PIK3C2A: variants seen among roughly 807,000 people sequenced by gnomAD.
PIK3C2A encodes the protein phosphatidylinositol-4-phosphate 3-kinase catalytic subunit type 2 alpha, also known as phosphatidylinositol 4-phosphate 3-kinase C2 domain-containing subunit alpha.
A neutral mutation model predicts 204.5 loss-of-function variants in PIK3C2A; 97 were observed. That is an observed-to-expected ratio of 0.47 (90% CI 0.40 to 0.56). The LOEUF (loss-of-function observed/expected upper bound fraction) is 0.56. Ranked by LOEUF, PIK3C2A falls within the 20% of genes least tolerant of loss-of-function variation. PIK3C2A has a pLI of 0.00. For missense variants in PIK3C2A, 1,735 were observed against 1,969.2 expected (o/e 0.88, Z 2.25); for synonymous variants, 653 against 664.4 (o/e 0.98, Z 0.26).
At chr11:17,120,530 A>G (rs2137344052) in intron 15 of PIK3C2A, among the ~76,000 whole-genome samples, 1 of 151,936 alleles carries the variant, frequency 6.6e-6, no homozygotes, top group East Asian at 1.9e-4. Context: ...ACATGCACTG[A>G]AATTTATTCA....
At chr11:17,187,758 A>G (rs1851803096) in intron 1 of PIK3C2A, among the ~76,000 whole-genome samples, 1 of 152,036 alleles carries the variant, frequency 6.6e-6, no homozygotes, top group African/African-American at 2.4e-5. Flanking sequence ...GGATTCGGGG[A>G]AAAAGACTGA....
intron 8 of PIK3C2A, among the ~76,000 whole-genome samples, chr11:17,144,337 T>C (rs1044369358): frequency 1.1e-4 from 16 of 152,194 alleles, no homozygotes; most frequent in Non-Finnish European, 1.5e-4. Flanking sequence ...ACCTCTATAA[T>C]ACATTTTACT....
chr11:17,102,232 C>G (rs1013295750), intron 24 of PIK3C2A, among the ~76,000 whole-genome samples: 4 of 152,004 alleles, frequency 2.6e-5, no homozygotes, highest in Non-Finnish European at 4.4e-5. Flanking sequence ...GTCAGGAGAT[C>G]GAGACCATCC....
intron 9 of PIK3C2A, among the ~76,000 whole-genome samples, chr11:17,135,677 ATGTGTGTGTGTGTG>A (rs35017690): frequency 6.3e-4 from 93 of 147,502 alleles, no homozygotes; most frequent in South Asian, 4.1e-3. Context: ...AATTTCATAT[ATGTGTGTGTGTGTG>A]TGTGTGTGTG....
chr11:17,131,977 T>C lies in PIK3C2A; in HGVS notation c.2170A>G (p.Ile724Val), dbSNP rs1849710562. ...SHNGKDLFKP[I>V]QSKKVGTYKN... ...TAAGTGCCAACCTTCTTTGATTGAA[T>C]AGGTTTAAAAAGATCCTTTCCATTG... Residue 724 changes from isoleucine (I) to valine (V), a missense_variant, in exon 12 of 33, where the codon ATT becomes GTT. By Grantham distance (29) the Ile-to-Val change is conservative. This residue lies in a region of PIK3C2A where 567 missense variants were observed against 576.0 expected (regional missense o/e 0.98). Transcript: ENST00000691414. The C allele has an allele frequency of 6.3e-6, 10 of 1,578,764 alleles. No individual in the cohort carries two copies. The highest frequency in any genetic ancestry group is 2.3e-5 in the South Asian group (2 of 88,348).
At chr11:17,157,316 C>T (rs1011999057) in intron 2 of PIK3C2A, among the ~76,000 whole-genome samples, 14 of 151,954 alleles carry the variant, frequency 9.2e-5, no homozygotes, top group African/African-American at 3.1e-4. Context: ...AAAAATTAGC[C>T]AGGCGTGGTG....
intron 3 of PIK3C2A, among the ~76,000 whole-genome samples, chr11:17,154,741 T>A (rs950109491): frequency 6.6e-6 from 1 of 152,068 alleles, no homozygotes; most frequent in African/African-American, 2.4e-5. Flanking sequence ...GGAAAGGAAA[T>A]GGAGTGGACA....
chr11:17,107,020 A>G (rs1848843370), intron 22 of PIK3C2A, among the ~76,000 whole-genome samples: 1 of 152,188 alleles, frequency 6.6e-6, no homozygotes, highest in African/African-American at 2.4e-5. Flanking sequence ...TGACTCCTTT[A>G]AAACAAGTAT....
At chr11:17,188,980 G>T (rs1275522423) in intron 1 of PIK3C2A, among the ~76,000 whole-genome samples, 1 of 146,906 alleles carries the variant, frequency 6.8e-6, no homozygotes, top group Admixed American at 6.6e-5. Flanking sequence ...TTGCTGCAGA[G>T]ATCTCCTGAG....
Position 17,136,617 on chromosome 11 carries a change from G to A in PIK3C2A, c.1713C>T (p.His571=), listed in dbSNP as rs1343172616. The A allele has an allele frequency of 1.3e-6, 2 of 1,540,424 alleles. No individual in the cohort carries two copies. The highest frequency in any genetic ancestry group is 2.3e-5 in the East Asian group (1 of 44,112). The stretch of plus-strand genomic sequence containing the variant: ...CTTTAATTACTTGATCTACTGCTCG[G>A]TGTTGGTTCTTTAAAAATAAAAAAT... ...VELALQIENQ[H]RAVDQVIKAV... The change falls in exon 9 of 33, where the codon CAC becomes CAT. Residue 571 remains histidine (H), a synonymous_variant. Transcript: ENST00000691414.
chr11:17,126,992 A>G lies in PIK3C2A; in HGVS notation c.2399+2308T>C, dbSNP rs531209702. 2.0e-5 allele frequency among the ~76,000 whole-genome samples: 3 copies of G among 152,244 alleles called. No individual in the cohort carries two copies. In the South Asian group the frequency reaches 6.3e-4, roughly 32 times the overall value. ...TTATTTATAAAAATTAATGATAATG[A>G]TGAAATTGTATTTAACTTTCATATA... On this transcript the variant is annotated intron_variant, in intron 13 of 32. Coordinates refer to ENST00000691414, the MANE Select transcript of PIK3C2A (RefSeq NM_002645.4).
chr11:17,095,385 C>A (rs1162188954), intron 27 of PIK3C2A, among the ~76,000 whole-genome samples: 10 of 144,584 alleles, frequency 6.9e-5, no homozygotes, highest in African/African-American at 2.3e-4. Flanking sequence ...ACCATCCTGG[C>A]TAACATGGTG....
In PIK3C2A at chr11:17,089,637, T is replaced by C. The variant is rs1232953029; in HGVS notation, c.*101A>G. 10 of 700,826 alleles carry C rather than the reference T, an allele frequency of 1.4e-5. No homozygotes were observed. Among genetic ancestry groups the C allele is most frequent in the African/African-American group, 9.0e-5 (5 of 55,592 alleles). 43.4% of individuals were successfully genotyped at this position (700,826 alleles called of 1,614,324 possible). ...GTTCTGTCCAAGTATAAAAATACTA[T>C]ACAAAATTAACAAGTGTGTGTGTGT... is the stretch of plus-strand genomic sequence containing the variant. On this transcript the variant is annotated 3_prime_UTR_variant, in exon 33 of 33. Coordinates refer to ENST00000691414, the MANE Select transcript of PIK3C2A (RefSeq NM_002645.4).
At chr11:17,122,155 T>C (rs769680998) in intron 15 of PIK3C2A, 33 bp downstream of exon 15, 3 of 1,421,684 alleles carry the variant, frequency 2.1e-6, no homozygotes, top group Middle Eastern at 2.4e-4. Flanking sequence ...TTACAGGAGA[T>C]ACTTAGCCCA....
intron 13 of PIK3C2A, among the ~76,000 whole-genome samples, chr11:17,124,441 A>AT (rs1849455872): frequency 6.6e-6 from 1 of 150,820 alleles, no homozygotes; most frequent in South Asian, 2.1e-4. Flanking sequence ...AAGGCCTAAC[A>AT]CTTGCATTTG....
chr11:17,125,926 C>T (rs1849507522), intron 13 of PIK3C2A, among the ~76,000 whole-genome samples: 1 of 152,092 alleles, frequency 6.6e-6, no homozygotes, highest in South Asian at 2.1e-4. Flanking sequence ...GAGTTCGAGA[C>T]CAACCTGGCC....
chr11:17,117,651 T>C lies in PIK3C2A; in HGVS notation c.3056A>G (p.His1019Arg), dbSNP rs1394958998. Residue 1019 changes from histidine (H) to arginine (R), a missense_variant, in exon 19 of 33, where the codon CAT becomes CGT. His to Arg is a conservative substitution (Grantham distance 29, BLOSUM62 0). Coordinates refer to ENST00000691414, the MANE Select transcript of PIK3C2A (RefSeq NM_002645.4). ...GTATCGGGTACTAAACTGTACATCA[T>C]GCAGGGCATCTTTGAGAAGCCTAAT... ...NLYWLLKDAL[H>R]DVQFSTRYEH... 1 of 1,606,372 alleles carries C rather than the reference T, an allele frequency of 6.2e-7. No individual in the cohort carries two copies. Among genetic ancestry groups the C allele is most frequent in the Non-Finnish European group, 8.5e-7 (1 of 1,175,392 alleles).
chr11:17,196,536 G>A (rs1261225289), intron 1 of PIK3C2A, among the ~76,000 whole-genome samples: 1 of 152,090 alleles, frequency 6.6e-6, no homozygotes, highest in Non-Finnish European at 1.5e-5. Context: ...GAACAGTAAT[G>A]TGAGAGAGAA....
At chr11:17,158,355 A>AAAT (rs1277668754) in intron 2 of PIK3C2A, among the ~76,000 whole-genome samples, 45 of 148,520 alleles carry the variant, frequency 3.0e-4, no homozygotes, top group Non-Finnish European at 5.0e-4. Flanking sequence ...TCTCAAAAAA[A>AAAT]AATAATAATA....
Sources: gnomAD v4.1 joint callset for allele counts (sites outside exome capture counted in the v4.1 genomes callset) on GRCh38, gnomAD v4.1.1 for gene constraint, gnomAD v4.1.1 regional missense constraint, MANE v1.5 for transcripts, NCBI Gene and HGNC (gene_info 2026-07-23, HGNC 2026-07-21) for gene names.